FYN: variants seen among roughly 807,000 people sequenced by gnomAD.
FYN encodes tyrosine-protein kinase Fyn.
Under a neutral mutation model 70.2 loss-of-function variants are expected in FYN, and 10 were observed. That is an observed-to-expected ratio of 0.14 (90% CI 0.09 to 0.24). The LOEUF (loss-of-function observed/expected upper bound fraction) is 0.24. Among genes scored for constraint, FYN ranks in the 10% least tolerant of loss-of-function variants. The pLI is 1.00. For missense variants in FYN, 319 were observed against 673.1 expected (o/e 0.47, Z 5.82); for synonymous variants, 236 against 248.6 (o/e 0.95, Z 0.48).
At chr6:111,812,404 C>T (rs1447203824) in intron 2 of FYN, among the ~76,000 whole-genome samples, 1 of 152,036 alleles carries the variant, frequency 6.6e-6, no homozygotes, top group South Asian at 2.1e-4. Context: ...CATATGCCTT[C>T]GTCTACTCTA....
chr6:111,678,978 C>A (rs886829554), intron 12 of FYN, among the ~76,000 whole-genome samples: 1 of 152,170 alleles, frequency 6.6e-6, no homozygotes, highest in Non-Finnish European at 1.5e-5. Context: ...GCATGTCCCC[C>A]CCTGGGTTTC....
intron 12 of FYN, among the ~76,000 whole-genome samples, chr6:111,688,614 C>CGTGCCCACGCAGCGTGTGT (rs1799144246): frequency 6.6e-6 from 1 of 152,004 alleles, no homozygotes; most frequent in Non-Finnish European, 1.5e-5. Flanking sequence ...CTGCTCCAGC[C>CGTGCCCACGCAGCGTGTGT]GTGCCCACGC....
At chr6:111,798,955 CA>C (rs1241232604) in intron 2 of FYN, among the ~76,000 whole-genome samples, 1 of 152,114 alleles carries the variant, frequency 6.6e-6, no homozygotes, top group Non-Finnish European at 1.5e-5. Context: ...TCAGAATATC[CA>C]GATTAACAAT....
In FYN at chr6:111,719,834, G is replaced by A. The variant is rs761032788; in HGVS notation, c.218C>T (p.Thr73Met). 50 of 1,614,138 alleles carry A rather than the reference G, an allele frequency of 3.1e-5. No individual in the cohort carries two copies. The highest frequency in any genetic ancestry group is 3.6e-5 in the Non-Finnish European group (42 of 1,180,018). ...TCCTCCTCTCGTACGCAAGGTCCCC[G>A]TATGAGACGAAGAGTTCACACCTCC... ...VFGGVNSSSH[T>M]GTLRTRGGTG... is the part of the protein sequence containing the mutation. Residue 73 changes from threonine (T) to methionine (M), a missense_variant, in exon 4 of 14, where the codon ACG becomes ATG. Transcript: ENST00000354650.
At chr6:111,755,185 T>C (rs1000848266) in intron 3 of FYN, among the ~76,000 whole-genome samples, 18 of 152,182 alleles carry the variant, frequency 1.2e-4, no homozygotes, top group African/African-American at 4.3e-4. Flanking sequence ...TTTGATACTT[T>C]TTTTGTTTTT....
intron 12 of FYN, among the ~76,000 whole-genome samples, chr6:111,690,525 C>A (rs1377929336): frequency 6.6e-6 from 1 of 152,178 alleles, no homozygotes; most frequent in Non-Finnish European, 1.5e-5. Context: ...TGGGAATTAT[C>A]TTTGATTCTT....
At chr6:111,852,406 G>A (rs1045490570) in intron 1 of FYN, among the ~76,000 whole-genome samples, 1 of 152,168 alleles carries the variant, frequency 6.6e-6, no homozygotes, top group Non-Finnish European at 1.5e-5. Context: ...GAATGGCTCT[G>A]ATTTTTAACA....
At chr6:111,721,439 T>C (rs1800936941) in intron 3 of FYN, among the ~76,000 whole-genome samples, 2 of 152,224 alleles carry the variant, frequency 1.3e-5, no homozygotes, top group African/African-American at 4.8e-5. Flanking sequence ...CGATCCCTCC[T>C]GTGACTTTGA....
At chr6:111,740,409 C>T (rs2128478404) in intron 3 of FYN, among the ~76,000 whole-genome samples, 1 of 152,246 alleles carries the variant, frequency 6.6e-6, no homozygotes, top group South Asian at 2.1e-4. Flanking sequence ...AATGAGAACA[C>T]AGCAGGACAT....
chr6:111,717,930 A>G lies in FYN; in HGVS notation c.247+1875T>C, dbSNP rs537137628. Among the ~76,000 whole-genome samples the G allele has an allele frequency of 3.9e-5, 6 of 152,360 alleles. No individual in the cohort carries two copies. The South Asian group carries it at 1.2e-3, about 32-fold the overall frequency. On this transcript the variant is annotated intron_variant, in intron 4 of 13. Coordinates refer to ENST00000354650, the MANE Select transcript of FYN (RefSeq NM_002037.5). Reference sequence around the variant, plus strand: ...AGAGTTAGCATTCAGAGGTCTGACCATGCAAAGCTAGGCTCATTTGGCAAC... The same window carrying G: ...AGAGTTAGCATTCAGAGGTCTGACCGTGCAAAGCTAGGCTCATTTGGCAAC...
intron 3 of FYN, among the ~76,000 whole-genome samples, chr6:111,739,088 T>G (rs1047082100): frequency 3.3e-5 from 5 of 152,184 alleles, no homozygotes; most frequent in African/African-American, 1.2e-4. Flanking sequence ...TATTTTGAAC[T>G]GAAGTGACCC....
chr6:111,823,306 T>C (rs1401019672), intron 2 of FYN, among the ~76,000 whole-genome samples: 1 of 152,172 alleles, frequency 6.6e-6, no homozygotes, highest in African/African-American at 2.4e-5. Flanking sequence ...TGAGAGGCCA[T>C]GTTGGCCTTG....
In FYN at chr6:111,719,724, G is replaced by A. The variant is rs1185359582; in HGVS notation, c.247+81C>T. On this transcript the variant is annotated intron_variant, in intron 4 of 13. Transcript: ENST00000354650. Reference sequence around the variant, plus strand: ...GTGAAACCCCTAGTCAAAGGGAAGTGATGGGAACCCAGATGTTCAATTGCC... The same window carrying A: ...GTGAAACCCCTAGTCAAAGGGAAGTAATGGGAACCCAGATGTTCAATTGCC... 3.3e-6 allele frequency: 5 copies of A among 1,493,698 alleles called. No individual in the cohort carries two copies. In the Admixed American group the frequency reaches 5.5e-5, roughly 16 times the overall value. The allele number at this position is 1,493,698 out of a possible 1,614,324, so 92.5% of individuals were successfully genotyped here.
At chr6:111,786,523 T>A (rs546732597) in intron 2 of FYN, among the ~76,000 whole-genome samples, 10 of 152,358 alleles carry the variant, frequency 6.6e-5, no homozygotes, top group African/African-American at 2.2e-4. Context: ...TATGTGTGCA[T>A]GTATCTTTAT....
At chr6:111,705,705 T>A (rs932339535) in intron 6 of FYN, among the ~76,000 whole-genome samples, 2 of 152,124 alleles carry the variant, frequency 1.3e-5, no homozygotes, top group African/African-American at 2.4e-5. Context: ...AAAAATTAGC[T>A]GGGCATGGTG....
intron 2 of FYN, among the ~76,000 whole-genome samples, chr6:111,846,216 C>G (rs1440949794): frequency 6.6e-6 from 1 of 152,160 alleles, no homozygotes; most frequent in African/African-American, 2.4e-5. Flanking sequence ...CTGAAAACGA[C>G]CTCCTTGACC....
At position 111,769,103 on chromosome 6, in the gene FYN, A is replaced by C. The variant is rs1052471264; in HGVS notation, c.-12+11463T>G. On this transcript the variant is annotated intron_variant, in intron 3 of 13. Transcript: ENST00000354650. The stretch of plus-strand genomic sequence containing the variant: ...GATTTTAGGGGATCTGTGAATAGTG[A>C]GGTTGACATCAAGTCAAAATCCAAA... Among the ~76,000 whole-genome samples, 3 of 152,330 alleles carry C rather than the reference A, an allele frequency of 2.0e-5. No homozygotes were observed. The East Asian group carries it at 5.8e-4, about 29-fold the overall frequency.
At chr6:111,683,370 A>G (rs543236446) in intron 12 of FYN, among the ~76,000 whole-genome samples, 15 of 152,364 alleles carry the variant, frequency 9.8e-5, no homozygotes, top group African/African-American at 3.1e-4. Flanking sequence ...GGCCCAGCTC[A>G]CATCTCCGGA....
In FYN at chr6:111,755,615, C is replaced by T. The variant is rs149330100; in HGVS notation, c.-12+24951G>A. ...ATATTTAAAAAGAATTGACCATGTC[C>T]TAGGCCACAAACCAAGTCTCAATGC... On this transcript the variant is annotated intron_variant, in intron 3 of 13. Coordinates refer to ENST00000354650, the MANE Select transcript of FYN (RefSeq NM_002037.5). Among the ~76,000 whole-genome samples the T allele has an allele frequency of 9.9e-5, 15 of 152,268 alleles. No individual in the cohort carries two copies. In the East Asian group the frequency reaches 2.7e-3, roughly 27 times the overall value.
Sources: gnomAD v4.1 joint callset for allele counts (sites outside exome capture counted in the v4.1 genomes callset) on GRCh38, gnomAD v4.1.1 for gene constraint, MANE v1.5 for transcripts, NCBI Gene and HGNC (gene_info 2026-07-23, HGNC 2026-07-21) for gene names.